Variants in NKAIN2 observed in about 807,000 individuals in gnomAD.
The protein encoded by NKAIN2 is sodium/potassium-transporting ATPase subunit beta-1-interacting protein 2.
NKAIN2 carries 14 observed loss-of-function variants against 32.6 expected under a neutral mutation model. That is an observed-to-expected ratio of 0.43 (90% CI 0.28 to 0.67). The LOEUF (loss-of-function observed/expected upper bound fraction) is 0.67. Ranked by LOEUF, NKAIN2 falls within the 30% of genes least tolerant of loss-of-function variation. NKAIN2 has a pLI of 0.17. For missense variants in NKAIN2, 198 were observed against 258.3 expected (o/e 0.77, Z 1.60); for synonymous variants, 80 against 87.2 (o/e 0.92, Z 0.46).
intron 1 of NKAIN2, among the ~76,000 whole-genome samples, chr6:123,839,105 T>C (rs1009995367): frequency 4.6e-5 from 7 of 152,084 alleles, no homozygotes; most frequent in Non-Finnish European, 1.0e-4. Flanking sequence ...GGAGAGGGAC[T>C]CTGTGTGTCC....
chr6:124,054,678 G>C (rs1318465457), intron 1 of NKAIN2, among the ~76,000 whole-genome samples: 1 of 151,976 alleles, frequency 6.6e-6, no homozygotes, highest in Non-Finnish European at 1.5e-5. Context: ...TCAGAGATCA[G>C]CAAAGGAAGG....
chr6:124,129,233 C>A (rs1332281788), intron 1 of NKAIN2, among the ~76,000 whole-genome samples: 2 of 151,516 alleles, frequency 1.3e-5, no homozygotes, highest in African/African-American at 4.9e-5. Context: ...GAAAATCCAA[C>A]TAAAAATAAT....
chr6:124,693,594 G>T (rs1473598309), intron 4 of NKAIN2, among the ~76,000 whole-genome samples: 1 of 152,194 alleles, frequency 6.6e-6, no homozygotes, highest in African/African-American at 2.4e-5. Flanking sequence ...ACCCTTGGAA[G>T]ATGAGAGAAG....
chr6:124,817,483 G>A (rs539118121), intron 5 of NKAIN2, among the ~76,000 whole-genome samples: 2 of 152,024 alleles, frequency 1.3e-5, no homozygotes, highest in Non-Finnish European at 2.9e-5. Context: ...GGCTAGCTTG[G>A]GCTTCCTTGT....
intron 5 of NKAIN2, among the ~76,000 whole-genome samples, chr6:124,818,042 T>C (rs961096704): frequency 1.3e-5 from 2 of 152,214 alleles, no homozygotes; most frequent in Non-Finnish European, 2.9e-5. Flanking sequence ...ACAGAAAATC[T>C]ACACTAACCA....
At chr6:123,863,686 C>T (rs1250442475) in intron 1 of NKAIN2, among the ~76,000 whole-genome samples, 1 of 152,108 alleles carries the variant, frequency 6.6e-6, no homozygotes, top group Non-Finnish European at 1.5e-5. Flanking sequence ...TACTAAAGTT[C>T]CTCCTGGACT....
intron 3 of NKAIN2, among the ~76,000 whole-genome samples, chr6:124,475,770 A>G (rs895021020): frequency 1.4e-4 from 21 of 152,182 alleles, no homozygotes; most frequent in Admixed American, 6.5e-5. Flanking sequence ...ACTTGAATAG[A>G]GTATGACTGA....
intron 1 of NKAIN2, among the ~76,000 whole-genome samples, chr6:124,114,485 G>A (rs1014047560): frequency 1.3e-5 from 2 of 151,958 alleles, no homozygotes; most frequent in African/African-American, 4.8e-5. Flanking sequence ...TCAAGTAGGA[G>A]GTTGGCTATA....
intron 5 of NKAIN2, among the ~76,000 whole-genome samples, chr6:124,809,500 T>A (rs1469684109): frequency 6.7e-6 from 1 of 149,902 alleles, no homozygotes; most frequent in South Asian, 2.2e-4. Context: ...GATTAAAGAC[T>A]TAAACGTTGG....
chr6:124,328,737 C>G (rs766614181), intron 2 of NKAIN2, among the ~76,000 whole-genome samples: 2 of 152,156 alleles, frequency 1.3e-5, no homozygotes, highest in African/African-American at 2.4e-5. Flanking sequence ...GGCGTTTGTA[C>G]TCCCCGTGGA....
chr6:124,712,767 C>T (rs976235282), intron 4 of NKAIN2, among the ~76,000 whole-genome samples: 12 of 151,850 alleles, frequency 7.9e-5, no homozygotes, highest in East Asian at 1.9e-4. Context: ...CTGTCCTCTG[C>T]GCCACTCATG....
At chr6:124,820,912 C>A (rs563360356) in intron 6 of NKAIN2, among the ~76,000 whole-genome samples, 1 of 152,218 alleles carries the variant, frequency 6.6e-6, no homozygotes, top group South Asian at 2.1e-4. Flanking sequence ...AATTGTCTTC[C>A]ACAAAACCAG....
At chr6:124,645,296 A>T (rs1374339311) in intron 3 of NKAIN2, among the ~76,000 whole-genome samples, 4 of 152,214 alleles carry the variant, frequency 2.6e-5, no homozygotes, top group Non-Finnish European at 5.9e-5. Context: ...AAAAACTGGA[A>T]TAGGTTGAAC....
chr6:124,574,112 C>T (rs1021182535), intron 3 of NKAIN2, among the ~76,000 whole-genome samples: 1 of 152,140 alleles, frequency 6.6e-6, no homozygotes, highest in Non-Finnish European at 1.5e-5. Flanking sequence ...ATGTTGGACT[C>T]GCAGTGGCAT....
At position 124,499,306 on chromosome 6, in the gene NKAIN2, C is replaced by T. The variant is rs376430890; in HGVS notation, c.273+143959C>T. Reference sequence around the variant, plus strand: ...GCCCTACTGGAAAATGTTGGTCCTACAGCCTGTGCACAGTTATAACAGAAA... The same window carrying T: ...GCCCTACTGGAAAATGTTGGTCCTATAGCCTGTGCACAGTTATAACAGAAA... On this transcript the variant is annotated intron_variant, in intron 3 of 6. Coordinates refer to ENST00000368417, the MANE Select transcript of NKAIN2 (RefSeq NM_001040214.3). Among the ~76,000 whole-genome samples, 8 of 152,284 alleles carry T rather than the reference C, an allele frequency of 5.3e-5. No homozygotes were observed. In the East Asian group the frequency reaches 1.5e-3, roughly 29 times the overall value.
chr6:124,102,528 A>G (rs1389525683), intron 1 of NKAIN2, among the ~76,000 whole-genome samples: 2 of 152,214 alleles, frequency 1.3e-5, no homozygotes, highest in Non-Finnish European at 2.9e-5. Context: ...GAAGGTTGCG[A>G]TAACAGTACA....
chr6:124,783,126 G>A (rs977339480), intron 4 of NKAIN2, among the ~76,000 whole-genome samples: 1 of 152,126 alleles, frequency 6.6e-6, no homozygotes, highest in African/African-American at 2.4e-5. Flanking sequence ...TAAACCCTGA[G>A]AGAGGTATTA....
chr6:124,568,965 C>T (rs1781025815), intron 3 of NKAIN2, among the ~76,000 whole-genome samples: 1 of 151,878 alleles, frequency 6.6e-6, no homozygotes, highest in Non-Finnish European at 1.5e-5. Context: ...CTAACATTTA[C>T]ACAATTTCCC....
chr6:124,189,221 G>C (rs1314727827), intron 1 of NKAIN2, among the ~76,000 whole-genome samples: 1 of 152,102 alleles, frequency 6.6e-6, no homozygotes. Context: ...ACTAATACAT[G>C]AGACATGATT....
Sources: gnomAD v4.1 joint callset for allele counts (sites outside exome capture counted in the v4.1 genomes callset) on GRCh38, gnomAD v4.1.1 for gene constraint, MANE v1.5 for transcripts, NCBI Gene and HGNC (gene_info 2026-07-23, HGNC 2026-07-21) for gene names.